CCDC7: variants seen among roughly 807,000 people sequenced by gnomAD.
The protein encoded by CCDC7 is coiled-coil domain containing 7.
A neutral mutation model predicts 196.9 loss-of-function variants in CCDC7; 183 were observed. The ratio of observed to expected loss-of-function variants is 0.93; its 90% CI spans 0.82 to 1.05. The LOEUF (loss-of-function observed/expected upper bound fraction) is 1.05. Among genes scored for constraint, CCDC7 ranks in the 50% least tolerant of loss-of-function variants. The pLI, the probability that CCDC7 is intolerant of heterozygous loss-of-function variation, is 0.00. For synonymous variants in CCDC7, 525 were observed against 484.6 expected (o/e 1.08, Z -1.10); for missense variants, 1,540 against 1,482.2 (o/e 1.04, Z -0.64).
intron 21 of CCDC7, among the ~76,000 whole-genome samples, chr10:32,668,339 T>C (rs891562149): frequency 6.6e-6 from 1 of 152,154 alleles, no homozygotes; most frequent in African/African-American, 2.4e-5. Flanking sequence ...ACTTCCTCTT[T>C]TCCTAATTGA....
At chr10:32,675,102 A>C (rs1162281444) in intron 21 of CCDC7, among the ~76,000 whole-genome samples, 1 of 152,094 alleles carries the variant, frequency 6.6e-6, no homozygotes, top group African/African-American at 2.4e-5. Context: ...ATTTAAAATT[A>C]TTATTGCTAG....
At chr10:32,450,154 C>T (rs894698517), upstream of CCDC7, among the ~76,000 whole-genome samples, 3 of 152,162 alleles carry the variant, frequency 2.0e-5, no homozygotes, top group East Asian at 3.8e-4. Context: ...AAGGTTTCAG[C>T]AAAACCATGT....
At chr10:32,762,613 A>G (rs2077629550) in intron 28 of CCDC7, among the ~76,000 whole-genome samples, 1 of 151,714 alleles carries the variant, frequency 6.6e-6, no homozygotes, top group South Asian at 2.1e-4. Context: ...AAATATAAAA[A>G]TATTTTAAAA....
intron 9 of CCDC7, among the ~76,000 whole-genome samples, chr10:32,501,603 G>A (rs1038352369): frequency 9.8e-5 from 15 of 152,286 alleles, no homozygotes; most frequent in Middle Eastern, 6.8e-3. Context: ...CCCCTCTGCT[G>A]CAGGTCTGCT....
chr10:32,874,725 T>A (rs1397769396), intron 41 of CCDC7, among the ~76,000 whole-genome samples: 1 of 144,438 alleles, frequency 6.9e-6, no homozygotes, highest in African/African-American at 2.5e-5. Flanking sequence ...ATAAAACTTT[T>A]ATATATATAC....
At chr10:32,851,144 A>G (rs1033251100) in intron 39 of CCDC7, among the ~76,000 whole-genome samples, 1 of 151,676 alleles carries the variant, frequency 6.6e-6, no homozygotes, top group Non-Finnish European at 1.5e-5. Context: ...TGCTTTTACT[A>G]CTTCTGTGAA....
At chr10:32,700,853 G>C (rs2078589025) in intron 24 of CCDC7, among the ~76,000 whole-genome samples, 1 of 152,134 alleles carries the variant, frequency 6.6e-6, no homozygotes, top group African/African-American at 2.4e-5. Context: ...TTGGCTCTCT[G>C]TTTGTCTGTT....
In CCDC7 at chr10:32,842,949, G is replaced by C. The variant is rs1010922028; in HGVS notation, c.3353-2294G>C. On this transcript the variant is annotated intron_variant, in intron 33 of 41. Transcript: ENST00000639629. ...CTTTGGGGACTTGGGGAAAGAGTAG[G>C]GGGGGCAAGGGACAAAAGACTATGC... 3.3e-5 allele frequency among the ~76,000 whole-genome samples: 5 copies of C among 151,910 alleles called. No individual in the cohort carries two copies. In the East Asian group the frequency reaches 7.8e-4, roughly 24 times the overall value.
chr10:32,638,015 G>A (rs560829748), intron 20 of CCDC7, among the ~76,000 whole-genome samples: 321 of 152,246 alleles, frequency 2.1e-3, no homozygotes, highest in Middle Eastern at 3.4e-3. Context: ...ATTCACTCAT[G>A]ATTTGGCTCT....
Position 32,782,103 on chromosome 10 carries a change from G to T in CCDC7, c.3013+3019G>T, listed in dbSNP as rs1035614314. 2.0e-5 allele frequency among the ~76,000 whole-genome samples: 3 copies of T among 152,038 alleles called. No individual in the cohort carries two copies. The South Asian group carries it at 6.2e-4, about 31-fold the overall frequency. Reference sequence around the variant, plus strand: ...AATATTTAGGAATAAATTTAACCAAGAAGGCAAAAGGCAAAAGACTTGTAT... The same window carrying T: ...AATATTTAGGAATAAATTTAACCAATAAGGCAAAAGGCAAAAGACTTGTAT... On this transcript the variant is annotated intron_variant, in intron 29 of 41. Transcript: ENST00000639629.
At chr10:32,799,466 T>C (rs1461851889) in intron 29 of CCDC7, among the ~76,000 whole-genome samples, 1 of 152,186 alleles carries the variant, frequency 6.6e-6, no homozygotes, top group Admixed American at 6.5e-5. Context: ...TTGGCAGCCT[T>C]TTGGGTCCCT....
At chr10:32,700,311 A>C (rs1010555257) in intron 24 of CCDC7, among the ~76,000 whole-genome samples, 1 of 149,450 alleles carries the variant, frequency 6.7e-6, no homozygotes, top group African/African-American at 2.6e-5. Flanking sequence ...TTAACTAGGG[A>C]ATCCTTTCCC....
At chr10:32,519,218 T>C (rs1033653210) in intron 11 of CCDC7, among the ~76,000 whole-genome samples, 1 of 152,138 alleles carries the variant, frequency 6.6e-6, no homozygotes, top group Non-Finnish European at 1.5e-5. Flanking sequence ...CCTTTAGGTA[T>C]CATGCCAAAT....
At chr10:32,808,354 C>T (rs771557037) in intron 30 of CCDC7, among the ~76,000 whole-genome samples, 6 of 152,160 alleles carry the variant, frequency 3.9e-5, no homozygotes, top group Non-Finnish European at 5.9e-5. Context: ...CAAAGCATGA[C>T]ACCCAAAGGC....
intron 22 of CCDC7, among the ~76,000 whole-genome samples, chr10:32,686,505 T>C (rs761126939): frequency 1.3e-5 from 2 of 152,180 alleles, no homozygotes; most frequent in Non-Finnish European, 2.9e-5. Flanking sequence ...AGGGGAACAA[T>C]AGCATAGGAG....
At chr10:32,517,947 C>T (rs1363225943) in exon 10 of CCDC7, 5 of 1,590,574 alleles carry the variant, frequency 3.1e-6, no homozygotes, top group Non-Finnish European at 4.3e-6. Context: ...TTTTTCAGAG[C>T]TGTAAATGAT....
chr10:32,686,565 G>A (rs2076489634), intron 22 of CCDC7, among the ~76,000 whole-genome samples: 1 of 152,206 alleles, frequency 6.6e-6, no homozygotes, highest in South Asian at 2.1e-4. Flanking sequence ...CCTGCTCCAG[G>A]GTAGAGGCCT....
At chr10:32,805,876 A>C (rs1361624578) in intron 30 of CCDC7, among the ~76,000 whole-genome samples, 1 of 152,218 alleles carries the variant, frequency 6.6e-6, no homozygotes, top group African/African-American at 2.4e-5. Context: ...AGGCTGTACA[A>C]GCATAGTGCC....
intron 20 of CCDC7, among the ~76,000 whole-genome samples, chr10:32,655,399 C>T (rs536547850): frequency 2.0e-4 from 31 of 152,182 alleles, no homozygotes; most frequent in Admixed American, 4.6e-4. Flanking sequence ...TTATCTTTTG[C>T]GTTTTTCATT....
Sources: allele counts gnomAD v4.1 joint callset (sites outside exome capture counted in the v4.1 genomes callset), GRCh38; gene constraint gnomAD v4.1.1; transcripts MANE v1.5; gene names NCBI Gene and HGNC (gene_info 2026-07-23, HGNC 2026-07-21).